The following PSMB2 variants were observed in gnomAD, a reference collection of about 807,000 sequenced individuals.
PSMB2 encodes proteasome subunit beta type-2.
In PSMB2, 13 loss-of-function variants were observed where a neutral mutation model predicts 25.7. The ratio of observed to expected loss-of-function variants is 0.51; its 90% CI spans 0.33 to 0.80. The LOEUF is 0.80. Among genes scored for constraint, PSMB2 ranks in the 30% least tolerant of loss-of-function variants. PSMB2 has a pLI of 0.02. For missense variants in PSMB2, 202 were observed against 259.0 expected, an observed-to-expected ratio of 0.78 and a Z score of 1.51; for synonymous variants, 87 against 96.2, an observed-to-expected ratio of 0.90 and a Z score of 0.56.
chr1:35,611,827 C>CA (rs956758517), intron 3 of PSMB2, among the ~76,000 whole-genome samples: 1,933 of 140,282 alleles, frequency 0.014, 47 homozygotes, highest in African/African-American at 0.046. Flanking sequence ...ACTCTATCTC[C>CA]AAAAAAAAAA....
At chr1:35,638,336 A>G (rs759767756) in intron 1 of PSMB2, among the ~76,000 whole-genome samples, 3 of 152,192 alleles carry the variant, frequency 2.0e-5, no homozygotes, top group Non-Finnish European at 4.4e-5. Flanking sequence ...ATCCACATAC[A>G]TGAAACAAAT....
At chr1:35,640,087 A>ATACTGTACTGTACTGTACTG (rs1375890920) in intron 1 of PSMB2, among the ~76,000 whole-genome samples, 4 of 151,668 alleles carry the variant, frequency 2.6e-5, no homozygotes, top group African/African-American at 9.7e-5. Context: ...ATACTATACT[A>ATACTGTACTGTACTGTACTG]TACTATACTA....
At position 35,601,008 on chromosome 1, in the gene PSMB2, C is replaced by A. The variant is rs1241102782; in HGVS notation, c.*2259G>T. The A allele has an allele frequency of 2.0e-6, 2 of 980,234 alleles. No individual in the cohort carries two copies. Among genetic ancestry groups the A allele is most frequent in the African/African-American group, 3.6e-5 (2 of 55,574 alleles). 60.7% of individuals were successfully genotyped at this position (980,234 alleles called of 1,614,324 possible). On this transcript the variant is annotated 3_prime_UTR_variant, in exon 6 of 6. Coordinates refer to ENST00000373237, the MANE Select transcript of PSMB2 (RefSeq NM_002794.5). ...AAATCATGTAGCAGGATAGTCTGTG[C>A]TTTAGTAGCAGCACTCCACTGGGTA...
At position 35,609,333 on chromosome 1, in the gene PSMB2, G is replaced by C. The variant is rs376235148; in HGVS notation, c.361C>G (p.Leu121Val). 3.1e-6 allele frequency: 5 copies of C among 1,613,358 alleles called. No homozygotes were observed. Among genetic ancestry groups the C allele is most frequent in the Admixed American group, 1.7e-5 (1 of 59,964 alleles). The change falls in exon 4 of 6, where the codon CTG (leucine) becomes GTG (valine). Residue 121 changes from leucine to valine, a missense_variant. Leu to Val is a conservative substitution (Grantham distance 32). Coordinates refer to ENST00000373237, the MANE Select transcript of PSMB2 (RefSeq NM_002794.5). ...EGPALYYMDYLAALAKAPFAA... is the reference protein window; with the variant it reads ...EGPALYYMDYVAALAKAPFAA... ...AAAGGGGCCTTGGCCAAGGCTGCCA[G>C]GTAGTCCATGTAATACAGCGCTGGC...
At chr1:35,606,937 C>A (rs1650186522) in intron 4 of PSMB2, among the ~76,000 whole-genome samples, 1 of 152,120 alleles carries the variant, frequency 6.6e-6, no homozygotes, top group Admixed American at 6.5e-5. Context: ...ACCAAGAACA[C>A]TCATTGGGGA....
chr1:35,619,026 A>G (rs1434751092), intron 3 of PSMB2, among the ~76,000 whole-genome samples: 1 of 152,210 alleles, frequency 6.6e-6, no homozygotes, highest in East Asian at 1.9e-4. Flanking sequence ...AATAAAAGAA[A>G]CACTGCTCTG....
At chr1:35,614,022 G>T (rs1180586817) in intron 3 of PSMB2, among the ~76,000 whole-genome samples, 1 of 152,190 alleles carries the variant, frequency 6.6e-6, no homozygotes, top group Non-Finnish European at 1.5e-5. Flanking sequence ...AAGGGATATG[G>T]AAGGATGTTA....
intron 4 of PSMB2, among the ~76,000 whole-genome samples, chr1:35,606,961 C>G (rs372788889): frequency 1.4e-4 from 21 of 152,268 alleles, no homozygotes; most frequent in African/African-American, 5.1e-4. Context: ...GACAGTCTGT[C>G]TCTTCAATAA....
At chr1:35,615,578 T>C (rs1650470278) in intron 3 of PSMB2, among the ~76,000 whole-genome samples, 1 of 151,902 alleles carries the variant, frequency 6.6e-6, no homozygotes, top group African/African-American at 2.4e-5. Flanking sequence ...GCGACAAGAG[T>C]CTGAGCGGTG....
At chr1:35,623,866 G>C (rs1441364702) in intron 3 of PSMB2, among the ~76,000 whole-genome samples, 1 of 152,176 alleles carries the variant, frequency 6.6e-6, no homozygotes, top group Non-Finnish European at 1.5e-5. Context: ...AGTGTATAAG[G>C]GACAAGACTT....
Position 35,636,352 on chromosome 1 carries a change from C to A in PSMB2, c.172G>T (p.Glu58Ter). The change falls in exon 2 of 6, where the codon GAA becomes TAA. Residue 58 changes from glutamate (E) to a stop codon, truncating the protein, a stop_gained. Coordinates refer to ENST00000373237, the MANE Select transcript of PSMB2 (RefSeq NM_002794.5). LOFTEE classifies it high-confidence loss of function. ...GEAGDTVQFA[E>*]YIQKNVQLYK... ...AGTTGCACGTTTTTCTGAATATATT[C>A]TGCAAACTGTACAGTGTCTCCAGCC... The A allele has an allele frequency of 6.2e-7, 1 of 1,614,126 alleles. No homozygotes were observed. Among genetic ancestry groups the A allele is most frequent in the Non-Finnish European group, 8.5e-7 (1 of 1,180,010 alleles).
intron 3 of PSMB2, among the ~76,000 whole-genome samples, chr1:35,628,994 C>A (rs1418731083): frequency 6.6e-6 from 1 of 152,080 alleles, no homozygotes; most frequent in Admixed American, 6.5e-5. Context: ...GCAGAATAGT[C>A]AAATAATTAT....
chr1:35,640,056 T>TA (rs1467531372), intron 1 of PSMB2, among the ~76,000 whole-genome samples: 2 of 135,964 alleles, frequency 1.5e-5, no homozygotes, highest in African/African-American at 5.9e-5. Flanking sequence ...CCCTAAGTAC[T>TA]ATAATATACT....
intron 3 of PSMB2, among the ~76,000 whole-genome samples, chr1:35,613,718 C>A (rs1481958368): frequency 1.3e-5 from 2 of 152,128 alleles, no homozygotes; most frequent in Non-Finnish European, 2.9e-5. Flanking sequence ...ACAGGCCAGG[C>A]ATTCAGAACT....
chr1:35,632,061 A>T (rs980330750), intron 2 of PSMB2, among the ~76,000 whole-genome samples: 3 of 152,156 alleles, frequency 2.0e-5, no homozygotes, highest in Admixed American at 2.0e-4. Context: ...GGGAAAAGAG[A>T]GGCTAGAAGT....
At chr1:35,623,436 A>T (rs1432943233) in intron 3 of PSMB2, among the ~76,000 whole-genome samples, 2 of 152,220 alleles carry the variant, frequency 1.3e-5, no homozygotes, top group Non-Finnish European at 2.9e-5. Context: ...TGACAGTCCA[A>T]GAGCTGCATA....
In PSMB2 at chr1:35,601,904, C is replaced by T. The variant is rs1286739091; in HGVS notation, c.*1363G>A. 3 of 985,300 alleles carry T rather than the reference C, an allele frequency of 3.0e-6. No homozygotes were observed. In the African/African-American group the frequency reaches 5.2e-5, roughly 17 times the overall value. 61.0% of individuals were successfully genotyped at this position (985,300 alleles called of 1,614,324 possible). A position where few individuals can be genotyped will look rare whatever the true frequency, so the allele number is the denominator to read the frequency against. On this transcript the variant is annotated 3_prime_UTR_variant, in exon 6 of 6. Transcript: ENST00000373237. The stretch of plus-strand genomic sequence containing the variant: ...GTTATGCTAAGAGTAAAACGAGTAA[C>T]TGGTTAACTGCCCATGATACATCAA...
chr1:35,632,402 G>C (rs1465679509), intron 2 of PSMB2, among the ~76,000 whole-genome samples: 1 of 152,208 alleles, frequency 6.6e-6, no homozygotes, highest in African/African-American at 2.4e-5. Flanking sequence ...TGTCAGTATG[G>C]AAAGACACAC....
At chr1:35,605,620 C>A (rs975303530) in intron 4 of PSMB2, among the ~76,000 whole-genome samples, 2 of 152,256 alleles carry the variant, frequency 1.3e-5, no homozygotes, top group South Asian at 2.1e-4. Flanking sequence ...TTTCACTCCC[C>A]CTTAGTCCAG....
Sources: gnomAD v4.1 joint callset for allele counts (sites outside exome capture counted in the v4.1 genomes callset) on GRCh38, gnomAD v4.1.1 for gene constraint, MANE v1.5 for transcripts, NCBI Gene and HGNC (gene_info 2026-07-23, HGNC 2026-07-21) for gene names.